WAC: variants seen among roughly 807,000 people sequenced by gnomAD.
The protein encoded by WAC is WW domain-containing adapter protein with coiled-coil.
WAC carries 11 observed loss-of-function variants against 79.6 expected under a neutral mutation model. The observed-to-expected ratio is 0.14, with a 90% CI of 0.09 to 0.23. WAC has a LOEUF of 0.23. Among genes scored for constraint, WAC ranks in the 10% least tolerant of loss-of-function variants. WAC has a pLI of 1.00. For missense variants in WAC, 728 were observed against 773.5 expected (o/e 0.94, Z 0.70); for synonymous variants, 304 against 276.9 (o/e 1.10, Z -0.97).
intron 7 of WAC, among the ~76,000 whole-genome samples, chr10:28,601,857 A>G (rs1209760564): frequency 6.6e-6 from 1 of 152,180 alleles, no homozygotes; most frequent in Non-Finnish European, 1.5e-5. Context: ...TCATACAGAC[A>G]GAAACTGGAA....
At chr10:28,576,552 G>A (rs1044651835) in intron 3 of WAC, among the ~76,000 whole-genome samples, 1 of 152,146 alleles carries the variant, frequency 6.6e-6, no homozygotes, top group Non-Finnish European at 1.5e-5. Flanking sequence ...AAGTTGTATT[G>A]GTTCATGTGT....
intron 10 of WAC, among the ~76,000 whole-genome samples, chr10:28,613,592 T>G (rs1465671456): frequency 6.6e-6 from 1 of 152,226 alleles, no homozygotes; most frequent in African/African-American, 2.4e-5. Flanking sequence ...AATTGAACAT[T>G]TGAGCTTTTA....
chr10:28,541,519 C>A lies in WAC; in HGVS notation c.274+5762C>A, dbSNP rs1290252446. On this transcript the variant is annotated intron_variant, in intron 3 of 13. Coordinates refer to ENST00000354911, the MANE Select transcript of WAC (RefSeq NM_016628.5). ...CGATCTCACCTCATTGCAACCTCCA[C>A]CCCCTGGCAAAATCAGTTATTTGGT... is the stretch of plus-strand genomic sequence containing the variant. Among the ~76,000 whole-genome samples the A allele has an allele frequency of 6.0e-5, 9 of 150,056 alleles. No homozygotes were observed. The East Asian group carries it at 1.8e-3, about 29-fold the overall frequency.
At chr10:28,549,976 A>T (rs1837568416) in intron 3 of WAC, among the ~76,000 whole-genome samples, 4 of 152,104 alleles carry the variant, frequency 2.6e-5, no homozygotes. Flanking sequence ...CAGCCAGGCC[A>T]AACATGGTTG....
At chr10:28,617,154 A>G (rs1267235151) in intron 12 of WAC, among the ~76,000 whole-genome samples, 1 of 152,206 alleles carries the variant, frequency 6.6e-6, no homozygotes, top group Admixed American at 6.5e-5. Flanking sequence ...AAGTTAGGAA[A>G]CATTTTTGCT....
chr10:28,535,963 C>A, intron 3 of WAC: 1 of 446,736 alleles, frequency 2.2e-6, no homozygotes, highest in Non-Finnish European at 3.8e-6. Context: ...ACTCTTAAGG[C>A]CAGGCGCGGT....
chr10:28,540,021 T>A (rs949476759), intron 3 of WAC, among the ~76,000 whole-genome samples: 5 of 152,180 alleles, frequency 3.3e-5, no homozygotes, highest in Admixed American at 2.0e-4. Context: ...TTTAGTAACG[T>A]TTGAGTCTTT....
At chr10:28,611,752 T>A in intron 9 of WAC, 22 bp from the exon 10 acceptor site, 1 of 1,600,586 alleles carries the variant, frequency 6.2e-7, no homozygotes, top group Non-Finnish European at 8.5e-7. Context: ...TCTTTAAAAT[T>A]AATTGCTTCC....
chr10:28,590,484 T>C (rs1175847614), intron 5 of WAC, among the ~76,000 whole-genome samples: 1 of 152,204 alleles, frequency 6.6e-6, no homozygotes, highest in East Asian at 1.9e-4. Flanking sequence ...GAATTAAAAT[T>C]GCTGAGCTTT....
rs116250230 is a variant in WAC at position 28,568,051 on chromosome 10, A to C, written c.275-15348A>C. Among the ~76,000 whole-genome samples the C allele has an allele frequency of 7.6e-3, 1,164 of 152,252 alleles. 13 individuals are homozygous for C. Among genetic ancestry groups the C allele is most frequent in the African/African-American group, 0.027 (1,118 of 41,556 alleles). Reference sequence around the variant, plus strand: ...CCTCGCCCGGCCTCAGTATGGATTTAATTTGTCTCTTGAAACCATTTGTCA... The same window carrying C: ...CCTCGCCCGGCCTCAGTATGGATTTCATTTGTCTCTTGAAACCATTTGTCA... On this transcript the variant is annotated intron_variant, in intron 3 of 13. Transcript: ENST00000354911.
chr10:28,536,956 G>A (rs11007141), intron 3 of WAC, among the ~76,000 whole-genome samples: 4,500 of 152,082 alleles, frequency 0.03, 229 homozygotes, highest in African/African-American at 0.1. Flanking sequence ...TCAATACTTG[G>A]CTTACTTTAA....
At chr10:28,615,473 A>G (rs1841429560) in intron 11 of WAC, 1 of 152,164 alleles carries the variant, frequency 6.6e-6, no homozygotes, top group Non-Finnish European at 1.5e-5. Flanking sequence ...AGGCTGCAGT[A>G]TTATTTTAAA....
At chr10:28,589,512 A>G (rs1018014810) in intron 4 of WAC, 2 of 256,706 alleles carry the variant, frequency 7.8e-6, no homozygotes, top group Non-Finnish European at 1.5e-5. Context: ...GTGCCTAACA[A>G]TCTAATTTTT....
rs750558956 is a variant in WAC at position 28,616,259 on chromosome 10, C to T, written c.1643C>T (p.Ser548Phe). 3.1e-6 allele frequency: 5 copies of T among 1,614,048 alleles called. No individual in the cohort carries two copies. Among genetic ancestry groups the T allele is most frequent in the South Asian group, 2.2e-5 (2 of 91,076 alleles). Residue 548 changes from serine (S) to phenylalanine (F), a missense_variant, in exon 12 of 14, where the codon TCT (serine) becomes TTT (phenylalanine). Around this residue, in one of 3 missense-constraint regions of WAC, gnomAD observed 648 missense variants for 661.5 expected, o/e 0.98. Transcript: ENST00000354911. ...GCAACAGTTGTACCACAGAATTCTT[C>T]TGCCCGATCCACGTGTTCATTAACG... ...SNATVVPQNS[S>F]ARSTCSLTPA...
At chr10:28,569,542 G>A (rs1299545805) in intron 3 of WAC, among the ~76,000 whole-genome samples, 1 of 152,182 alleles carries the variant, frequency 6.6e-6, no homozygotes, top group East Asian at 1.9e-4. Flanking sequence ...TCGGCATTTT[G>A]CAGTTGATTA....
rs1481865808 is a variant in WAC at position 28,610,755 on chromosome 10, A to C, written c.1222A>C (p.Thr408Pro). Reference sequence around the variant, plus strand: ...GCAGTCTATAATTCATAAGTTTCTTACTGCTGGACCATCTGCTTTCAACAT... The same window carrying C: ...GCAGTCTATAATTCATAAGTTTCTTCCTGCTGGACCATCTGCTTTCAACAT... ...SLQSIIHKFL[T>P]AGPSAFNITS... The change falls in exon 9 of 14, where the codon ACT becomes CCT. Residue 408 changes from threonine to proline, a missense_variant. Physicochemically the swap from Thr to Pro is conservative, Grantham distance 38. Coordinates refer to ENST00000354911, the MANE Select transcript of WAC (RefSeq NM_016628.5). 1 of 1,612,658 alleles carries C rather than the reference A, an allele frequency of 6.2e-7. No homozygotes were observed. Among genetic ancestry groups the C allele is most frequent in the Admixed American group, 1.7e-5 (1 of 59,868 alleles).
rs73609821 is a variant in WAC, at chr10:28,568,082, G to A, written c.275-15317G>A. 4.1e-3 allele frequency among the ~76,000 whole-genome samples: 626 copies of A among 152,288 alleles called. 5 individuals carry two copies. The highest frequency in any genetic ancestry group is 0.015 in the African/African-American group (603 of 41,562). On this transcript the variant is annotated intron_variant, in intron 3 of 13. Transcript: ENST00000354911. ...TCTCTTGAAACCATTTGTCAGAGAC[G>A]GTTTGTTGAGTTATGACTTGCCTTG...
At chr10:28,574,932 G>A (rs1839167276) in intron 3 of WAC, among the ~76,000 whole-genome samples, 1 of 152,096 alleles carries the variant, frequency 6.6e-6, no homozygotes, top group Non-Finnish European at 1.5e-5. Context: ...AGGTACACAA[G>A]TAGATGTTTG....
In WAC at chr10:28,616,370, A is replaced by T. The variant is rs980559966; in HGVS notation, c.1746+8A>T. On this transcript the variant is annotated splice_region_variant and intron_variant, in intron 12 of 13. Coordinates refer to ENST00000354911, the MANE Select transcript of WAC (RefSeq NM_016628.5). ...GATCATGCAGAGAAGCAGGTATGTT[A>T]TGTACAGCCTAGATTTTACCTTTGG... The T allele has an allele frequency of 6.3e-7, 1 of 1,586,884 alleles. No individual in the cohort carries two copies. Among genetic ancestry groups the T allele is most frequent in the African/African-American group, 1.3e-5 (1 of 74,436 alleles).
Sources: allele counts gnomAD v4.1 joint callset (sites outside exome capture counted in the v4.1 genomes callset), GRCh38; gene constraint gnomAD v4.1.1; regional missense constraint gnomAD v4.1.1; transcripts MANE v1.5; gene names NCBI Gene and HGNC (gene_info 2026-07-23, HGNC 2026-07-21).